Variants in OCLN observed in about 807,000 individuals in gnomAD.
OCLN encodes the protein occludin.
In OCLN, 21 loss-of-function variants were observed where a neutral mutation model predicts 47.9. The observed-to-expected ratio is 0.44, with a 90% CI of 0.31 to 0.63. The LOEUF is 0.63. Ranked by LOEUF, OCLN falls within the 30% of genes least tolerant of loss-of-function variation. The pLI is 0.08. For synonymous variants in OCLN, 117 were observed against 198.4 expected, an observed-to-expected ratio of 0.59 and a Z score of 3.45; for missense variants, 360 against 571.0, an observed-to-expected ratio of 0.63 and a Z score of 3.77.
intron 4 of OCLN, among the ~76,000 whole-genome samples, chr5:69,525,184 GA>G (rs1561345362): frequency 6.6e-6 from 1 of 150,616 alleles, no homozygotes; most frequent in African/African-American, 2.4e-5. Flanking sequence ...GGCTCACTGC[GA>G]GCTCCACCTC....
rs1440961850 is a variant in OCLN, at chr5:69,499,315, TCTTCCTG to T, written c.-68-4857_-68-4851del. Among the ~76,000 whole-genome samples, 8 of 152,260 alleles carry T rather than the reference TCTTCCTG, an allele frequency of 5.3e-5. No individual in the cohort carries two copies. The East Asian group carries it at 1.5e-3, about 29-fold the overall frequency. ...GTCTTGGACTCCTGGGTTCAAGTGATCTTCCTGCTTCAGCTTCCTAGAGTGTTGGGAT... is the reference window on the plus strand; with the variant it reads ...GTCTTGGACTCCTGGGTTCAAGTGATCTTCAGCTTCCTAGAGTGTTGGGAT... On this transcript the variant is annotated intron_variant, in intron 1 of 8. Coordinates refer to ENST00000396442, the MANE Select transcript of OCLN (RefSeq NM_001205254.2).
intron 4 of OCLN, among the ~76,000 whole-genome samples, chr5:69,533,036 CAT>C (rs1347507796): frequency 2.9e-5 from 4 of 139,448 alleles, no homozygotes; most frequent in East Asian, 2.0e-4. Context: ...TACACACACA[CAT>C]GTATATATAC....
At chr5:69,528,043 C>T (rs1013682391) in intron 4 of OCLN, among the ~76,000 whole-genome samples, 31 of 152,266 alleles carry the variant, frequency 2.0e-4, no homozygotes, top group African/African-American at 7.0e-4. Context: ...ACCTGGTCCA[C>T]GATCTCATTA....
chr5:69,509,160 C>G lies in OCLN; in HGVS notation c.70C>G (p.Pro24Ala), dbSNP rs147125035. ...TTTCAGCAAACCGAATCATTATGCA[C>G]CAAGCAATGACATATATGGTGGAGA... ...PDEFKPNHYA[P>A]SNDIYGGEMH... is the part of the protein sequence containing the mutation. The change falls in exon 3 of 9, where the codon CCA (proline) becomes GCA (alanine). Residue 24 changes from proline (P) to alanine (A), a missense_variant. Pro to Ala is a conservative substitution (Grantham distance 27, BLOSUM62 -1). Transcript: ENST00000396442. 0.01 allele frequency: 16,717 copies of G among 1,613,900 alleles called. 100 individuals carry two copies. Among genetic ancestry groups the G allele is most frequent in the Non-Finnish European group, 0.012 (13,900 of 1,179,784 alleles).
At chr5:69,522,024 G>A (rs1769152389) in intron 4 of OCLN, among the ~76,000 whole-genome samples, 1 of 152,106 alleles carries the variant, frequency 6.6e-6, no homozygotes, top group Admixed American at 6.6e-5. Flanking sequence ...TTTTAAGAGA[G>A]AGGGTCTCAC....
intron 1 of OCLN, among the ~76,000 whole-genome samples, chr5:69,502,674 G>A (rs1003508312): frequency 2.0e-5 from 3 of 152,220 alleles, no homozygotes; most frequent in Admixed American, 2.0e-4. Context: ...TTCTGTAGCT[G>A]ATGTGGGAAG....
chr5:69,512,415 T>C (rs1768814292), intron 3 of OCLN, among the ~76,000 whole-genome samples: 1 of 152,254 alleles, frequency 6.6e-6, no homozygotes, highest in South Asian at 2.1e-4. Flanking sequence ...ATTAATCATA[T>C]GTCCTAATGC....
chr5:69,513,438 A>G (rs938462654), intron 3 of OCLN, among the ~76,000 whole-genome samples: 5 of 152,254 alleles, frequency 3.3e-5, no homozygotes, highest in African/African-American at 1.2e-4. Flanking sequence ...ATAGAGATCT[A>G]TGGACAGAAA....
chr5:69,533,118 TAC>T (rs1030177396), intron 4 of OCLN, among the ~76,000 whole-genome samples: 2 of 145,406 alleles, frequency 1.4e-5, no homozygotes, highest in East Asian at 3.9e-4. Context: ...CATATATATA[TAC>T]ACACACACAC....
intron 3 of OCLN, among the ~76,000 whole-genome samples, chr5:69,511,415 G>T (rs535769930): frequency 2.6e-5 from 4 of 151,354 alleles, no homozygotes; most frequent in African/African-American, 4.9e-5. Flanking sequence ...GGCTATTTTT[G>T]TTGTTGTTTT....
intron 4 of OCLN, among the ~76,000 whole-genome samples, chr5:69,531,333 T>C (rs1054920798): frequency 1.3e-5 from 2 of 152,082 alleles, no homozygotes; most frequent in African/African-American, 4.8e-5. Context: ...AGCCAAGAAT[T>C]GAAACCCAAT....
At chr5:69,517,451 T>C (rs1426481769) in intron 4 of OCLN, among the ~76,000 whole-genome samples, 1 of 151,874 alleles carries the variant, frequency 6.6e-6, no homozygotes, top group Non-Finnish European at 1.5e-5. Flanking sequence ...GCTAGGACTA[T>C]AGGTGCATAC....
chr5:69,496,251 A>G (rs372503120), intron 1 of OCLN, among the ~76,000 whole-genome samples: 14 of 152,166 alleles, frequency 9.2e-5, no homozygotes, highest in African/African-American at 2.4e-4. Context: ...GGCGCCTGCC[A>G]CCATGCCCAG....
chr5:69,501,875 T>C (rs1207367246), intron 1 of OCLN, among the ~76,000 whole-genome samples: 1 of 152,094 alleles, frequency 6.6e-6, no homozygotes, highest in Non-Finnish European at 1.5e-5. Flanking sequence ...TCTGAGAGAT[T>C]TGAAATACAC....
intron 2 of OCLN, among the ~76,000 whole-genome samples, chr5:69,508,335 G>T (rs1057134500): frequency 3.3e-5 from 5 of 151,800 alleles, no homozygotes; most frequent in African/African-American, 1.2e-4. Flanking sequence ...TCTCAGTTTG[G>T]ACTAGCCACA....
chr5:69,515,834 A>T (rs1303047707), intron 4 of OCLN, among the ~76,000 whole-genome samples: 1 of 149,874 alleles, frequency 6.7e-6, no homozygotes, highest in Non-Finnish European at 1.5e-5. Context: ...GCGGCTGGGT[A>T]GAGGCGCTCC....
rs531015263 is a variant in OCLN, at chr5:69,548,766, G to A, written c.1425+665G>A. Among the ~76,000 whole-genome samples the A allele has an allele frequency of 1.1e-4, 16 of 150,688 alleles. No individual in the cohort carries two copies. In the East Asian group the frequency reaches 3.2e-3, roughly 30 times the overall value. On this transcript the variant is annotated intron_variant, in intron 7 of 8. Coordinates refer to ENST00000396442, the MANE Select transcript of OCLN (RefSeq NM_001205254.2). ...CTGAGGTCAGGAGTTAGAGAATAGC[G>A]TGCCTAACATGGTGAAACCCCATCT...
chr5:69,526,887 C>T lies in OCLN; in HGVS notation c.892-7807C>T, dbSNP rs527347933. Among the ~76,000 whole-genome samples the T allele has an allele frequency of 3.9e-5, 6 of 152,254 alleles. No homozygotes were observed. The South Asian group carries it at 6.2e-4, about 16-fold the overall frequency. On this transcript the variant is annotated intron_variant, in intron 4 of 8. Transcript: ENST00000396442. Reference sequence around the variant, plus strand: ...TCCGTGAATGGGGTCCTGATGCATGCGTAATGAACAAACATTCGTGTTACA... The same window carrying T: ...TCCGTGAATGGGGTCCTGATGCATGTGTAATGAACAAACATTCGTGTTACA...
chr5:69,524,328 T>G (rs1167640318), intron 4 of OCLN, among the ~76,000 whole-genome samples: 3 of 152,230 alleles, frequency 2.0e-5, no homozygotes, highest in African/African-American at 7.2e-5. Context: ...ATTATACATT[T>G]TTTACTCTCT....
Sources: gnomAD v4.1 joint callset for allele counts (sites outside exome capture counted in the v4.1 genomes callset) on GRCh38, gnomAD v4.1.1 for gene constraint, MANE v1.5 for transcripts, NCBI Gene and HGNC (gene_info 2026-07-23, HGNC 2026-07-21) for gene names.